Variants in SNTB1 observed in about 807,000 individuals in gnomAD.
The protein encoded by SNTB1 is syntrophin beta 1.
Under a neutral mutation model 48.9 loss-of-function variants are expected in SNTB1, and 36 were observed. The observed-to-expected ratio is 0.74, with a 90% CI of 0.56 to 0.97. The LOEUF (loss-of-function observed/expected upper bound fraction) is 0.97, where lower values mean the gene tolerates loss of function less well. Among genes scored for constraint, SNTB1 ranks in the 50% least tolerant of loss-of-function variants. The pLI, the probability that SNTB1 is intolerant of heterozygous loss-of-function variation, is 0.00. For missense variants in SNTB1, 786 were observed against 703.4 expected, an observed-to-expected ratio of 1.12 and a Z score of -1.33; for synonymous variants, 299 against 294.6, an observed-to-expected ratio of 1.01 and a Z score of -0.15.
intron 1 of SNTB1, among the ~76,000 whole-genome samples, chr8:120,778,849 A>G (rs898655975): frequency 6.6e-6 from 1 of 152,240 alleles, no homozygotes; most frequent in Non-Finnish European, 1.5e-5. Flanking sequence ...TGAAAAAACA[A>G]TGACATATTG....
intron 3 of SNTB1, among the ~76,000 whole-genome samples, chr8:120,577,531 T>C (rs1310707040): frequency 6.6e-6 from 1 of 152,158 alleles, no homozygotes; most frequent in Non-Finnish European, 1.5e-5. Flanking sequence ...TTTTTCCAAC[T>C]TCTACATTAA....
intron 2 of SNTB1, among the ~76,000 whole-genome samples, chr8:120,669,367 A>G (rs1195826123): frequency 6.6e-6 from 1 of 152,236 alleles, no homozygotes; most frequent in Non-Finnish European, 1.5e-5. Flanking sequence ...GAAAATAACA[A>G]AAAAAGGACA....
chr8:120,627,179 G>A (rs563691684), intron 3 of SNTB1, among the ~76,000 whole-genome samples: 1 of 152,260 alleles, frequency 6.6e-6, no homozygotes, highest in East Asian at 1.9e-4. Context: ...TTACATGGTG[G>A]GATTTGTGAA....
chr8:120,639,858 G>C (rs565380856), intron 2 of SNTB1, among the ~76,000 whole-genome samples: 120 of 152,306 alleles, frequency 7.9e-4, no homozygotes, highest in African/African-American at 2.8e-3. Context: ...ACTTGGCAAT[G>C]TGGGCTCTTT....
At chr8:120,645,701 C>A (rs374549277) in intron 2 of SNTB1, among the ~76,000 whole-genome samples, 9,826 of 104,988 alleles carry the variant, frequency 0.094, 265 homozygotes, top group Middle Eastern at 0.16. Flanking sequence ...TTCTGTGAAG[C>A]AAGTCATTGG....
intron 1 of SNTB1, among the ~76,000 whole-genome samples, chr8:120,702,568 A>AC (rs1818324768): frequency 6.6e-6 from 1 of 151,700 alleles, no homozygotes; most frequent in African/African-American, 2.4e-5. Flanking sequence ...GCCTCCCTTA[A>AC]ACACCAGCTG....
At chr8:120,770,486 T>C (rs748343516) in intron 1 of SNTB1, among the ~76,000 whole-genome samples, 6 of 151,402 alleles carry the variant, frequency 4.0e-5, no homozygotes, top group Non-Finnish European at 8.8e-5. Flanking sequence ...AAGGAGAATA[T>C]AAATATGGTT....
At chr8:120,778,510 G>C (rs1819776295) in intron 1 of SNTB1, among the ~76,000 whole-genome samples, 1 of 152,220 alleles carries the variant, frequency 6.6e-6, no homozygotes, top group African/African-American at 2.4e-5. Context: ...GATTTGTCTA[G>C]TAGGACAATG....
chr8:120,779,418 G>T (rs189884726), intron 1 of SNTB1, among the ~76,000 whole-genome samples: 2 of 152,064 alleles, frequency 1.3e-5, no homozygotes, highest in Admixed American at 6.6e-5. Flanking sequence ...CAGGAGAATC[G>T]CTTGAACCTG....
intron 1 of SNTB1, among the ~76,000 whole-genome samples, chr8:120,744,551 C>T (rs955553403): frequency 6.6e-6 from 1 of 152,090 alleles, no homozygotes; most frequent in African/African-American, 2.4e-5. Flanking sequence ...TCATTTTTAC[C>T]AGTAAATATA....
chr8:120,595,296 T>C (rs1816305332), intron 3 of SNTB1, among the ~76,000 whole-genome samples: 1 of 152,196 alleles, frequency 6.6e-6, no homozygotes, highest in African/African-American at 2.4e-5. Flanking sequence ...CATAAAGACC[T>C]TGTGGATAAA....
chr8:120,662,896 GA>G (rs1299342669), intron 2 of SNTB1, among the ~76,000 whole-genome samples: 1 of 151,750 alleles, frequency 6.6e-6, no homozygotes, highest in Non-Finnish European at 1.5e-5. Context: ...AATATTCCTT[GA>G]ATGTTTGTTT....
chr8:120,732,391 C>T (rs530072659), intron 1 of SNTB1, among the ~76,000 whole-genome samples: 36 of 152,298 alleles, frequency 2.4e-4, no homozygotes, highest in Middle Eastern at 3.4e-3. Context: ...CATGTTTAAC[C>T]AGAAAAGCAG....
chr8:120,705,694 AT>A (rs1014008320), intron 1 of SNTB1, among the ~76,000 whole-genome samples: 2 of 152,216 alleles, frequency 1.3e-5, no homozygotes, highest in Admixed American at 1.3e-4. Flanking sequence ...GTTAATTGAG[AT>A]GCCTAATCCA....
chr8:120,560,720 TGCC>T (rs1389900762), intron 4 of SNTB1, among the ~76,000 whole-genome samples: 7 of 152,178 alleles, frequency 4.6e-5, no homozygotes, highest in Non-Finnish European at 8.8e-5. Flanking sequence ...CCTTTCTTTG[TGCC>T]CTTGTGACCT....
In SNTB1 at chr8:120,811,619, C is replaced by T. The variant is rs1215390887; in HGVS notation, c.225G>A (p.Gly75=). Residue 75 remains glycine (G), a synonymous_variant, in exon 1 of 7, where the codon GGG becomes GGA. Coordinates refer to ENST00000517992, the MANE Select transcript of SNTB1 (RefSeq NM_021021.4). Reference sequence around the variant, plus strand: ...GCTGCGCGCCGCCCGCGCCCGGGTGCCCAGCCCCGGCGCCCCTGCAGAACG... The same window carrying T: ...GCTGCGCGCCGCCCGCGCCCGGGTGTCCAGCCCCGGCGCCCCTGCAGAACG... ...NGSFCRGAGA[G]HPGAGGAQPP... The T allele has an allele frequency of 1.9e-6, 3 of 1,588,772 alleles. No homozygotes were observed. Among genetic ancestry groups the T allele is most frequent in the South Asian group, 1.1e-5 (1 of 88,128 alleles).
intron 2 of SNTB1, among the ~76,000 whole-genome samples, chr8:120,672,954 G>GT (rs1319070727): frequency 6.6e-6 from 1 of 152,122 alleles, no homozygotes; most frequent in African/African-American, 2.4e-5. Context: ...AGTACCTCAG[G>GT]TCCCCCACTT....
chr8:120,736,788 C>T (rs12544800), intron 1 of SNTB1, among the ~76,000 whole-genome samples: 10,694 of 152,148 alleles, frequency 0.07, 526 homozygotes, highest in East Asian at 0.18. Context: ...TTCCCACAGC[C>T]GTTTTGATTA....
chr8:120,734,289 C>CA (rs1818902103), intron 1 of SNTB1, among the ~76,000 whole-genome samples: 1 of 151,866 alleles, frequency 6.6e-6, no homozygotes, highest in Non-Finnish European at 1.5e-5. Flanking sequence ...ACTAAAAATA[C>CA]AAAAAATTAT....
Sources: allele counts gnomAD v4.1 joint callset (sites outside exome capture counted in the v4.1 genomes callset), GRCh38; gene constraint gnomAD v4.1.1; transcripts MANE v1.5; gene names NCBI Gene and HGNC (gene_info 2026-07-23, HGNC 2026-07-21).